Variants in PDZRN3 observed in about 807,000 individuals in gnomAD.
PDZRN3 encodes the protein E3 ubiquitin-protein ligase PDZRN3.
A neutral mutation model predicts 85.7 loss-of-function variants in PDZRN3; 38 were observed. That is an observed-to-expected ratio of 0.44 (90% confidence interval 0.34 to 0.58). The LOEUF (loss-of-function observed/expected upper bound fraction) is 0.58. Among genes scored for constraint, PDZRN3 ranks in the 20% least tolerant of loss-of-function variants. The pLI, the probability that PDZRN3 is intolerant of heterozygous loss-of-function variation, is 0.01. For synonymous variants in PDZRN3, 759 were observed against 638.0 expected, an observed-to-expected ratio of 1.19 and a Z score of -2.86; for missense variants, 1,629 against 1,506.4, an observed-to-expected ratio of 1.08 and a Z score of -1.35.
At chr3:73,420,580 G>A (rs1231824061) in intron 3 of PDZRN3, among the ~76,000 whole-genome samples, 2 of 152,144 alleles carry the variant, frequency 1.3e-5, no homozygotes, top group East Asian at 3.8e-4. Flanking sequence ...TCAAGAAAAT[G>A]ATGTAGCACC....
intron 3 of PDZRN3, among the ~76,000 whole-genome samples, chr3:73,569,763 G>A (rs1702017806): frequency 6.6e-6 from 1 of 152,208 alleles, no homozygotes; most frequent in Non-Finnish European, 1.5e-5. Flanking sequence ...AGGGCTGGCA[G>A]TGGTGAAGAG....
intron 1 of PDZRN3, among the ~76,000 whole-genome samples, chr3:73,622,934 G>A (rs1484667935): frequency 6.6e-6 from 1 of 152,252 alleles, no homozygotes; most frequent in African/African-American, 2.4e-5. Flanking sequence ...AGATGGGCAC[G>A]CAAAGGTTCA....
chr3:73,386,226 C>CTTTTCTTTTTTTT (rs1701381936), intron 8 of PDZRN3, among the ~76,000 whole-genome samples: 1 of 90,730 alleles, frequency 1.1e-5, no homozygotes, highest in African/African-American at 4.1e-5. Flanking sequence ...CAAGATATCA[C>CTTTTCTTTTTTTT]TTTTTTTTTT....
chr3:73,546,678 A>G (rs1422530522), intron 3 of PDZRN3, among the ~76,000 whole-genome samples: 1 of 152,226 alleles, frequency 6.6e-6, no homozygotes, highest in Non-Finnish European at 1.5e-5. Context: ...AATATTTCAA[A>G]AATTCTGCTG....
intron 3 of PDZRN3, among the ~76,000 whole-genome samples, chr3:73,593,709 TACACACAC>T (rs57922621): frequency 0.17 from 23,539 of 141,840 alleles, 2,222 homozygotes; most frequent in South Asian, 0.22. Context: ...GAAATAAATA[TACACACAC>T]ACACACACAC....
At chr3:73,414,436 T>C (rs767263515) in intron 3 of PDZRN3, among the ~76,000 whole-genome samples, 3 of 152,196 alleles carry the variant, frequency 2.0e-5, no homozygotes, top group Non-Finnish European at 2.9e-5. Flanking sequence ...TTTTGTTCTT[T>C]TTTTTTGTTT....
chr3:73,548,633 A>G (rs1258550403), intron 3 of PDZRN3, among the ~76,000 whole-genome samples: 1 of 152,240 alleles, frequency 6.6e-6, no homozygotes, highest in East Asian at 1.9e-4. Flanking sequence ...TTATTAAGCT[A>G]ATGAATTATG....
chr3:73,579,583 C>T (rs560587621), intron 3 of PDZRN3, among the ~76,000 whole-genome samples: 4 of 152,238 alleles, frequency 2.6e-5, no homozygotes, highest in South Asian at 2.1e-4. Flanking sequence ...ACATAGAGGT[C>T]GACAGGTATT....
At chr3:73,496,621 AGCAAT>A (rs1703872523) in intron 3 of PDZRN3, among the ~76,000 whole-genome samples, 1 of 152,150 alleles carries the variant, frequency 6.6e-6, no homozygotes, top group African/African-American at 2.4e-5. Flanking sequence ...TAACACAATT[AGCAAT>A]TCTTTAATTT....
At chr3:73,388,671 C>T (rs919926996) in intron 7 of PDZRN3, among the ~76,000 whole-genome samples, 12 of 151,892 alleles carry the variant, frequency 7.9e-5, no homozygotes, top group African/African-American at 1.2e-4. Flanking sequence ...GGTGGAACGC[C>T]GCCTCCAGGG....
intron 3 of PDZRN3, among the ~76,000 whole-genome samples, chr3:73,498,741 C>T (rs757073283): frequency 1.3e-5 from 2 of 152,066 alleles, no homozygotes; most frequent in African/African-American, 2.4e-5. Context: ...CACGCCACCG[C>T]GCCTGGCTAA....
chr3:73,387,895 C>T (rs981042836), intron 8 of PDZRN3, 73 bp downstream of exon 8: 5 of 697,272 alleles, frequency 7.2e-6, no homozygotes, highest in Non-Finnish European at 1.2e-5. Flanking sequence ...TACTCAGGTG[C>T]TCTTTTGCAG....
intron 3 of PDZRN3, among the ~76,000 whole-genome samples, chr3:73,514,753 C>T (rs538642874): frequency 1.7e-4 from 26 of 152,266 alleles, no homozygotes; most frequent in African/African-American, 6.3e-4. Context: ...TTCATCCTGG[C>T]AGAAATGAAC....
At chr3:73,569,622 T>C in intron 3 of PDZRN3, 1 of 956,858 alleles carries the variant, frequency 1.0e-6, no homozygotes, top group Non-Finnish European at 1.2e-6. Flanking sequence ...CAGCCCTGTG[T>C]CTGGGGTCTT....
chr3:73,484,941 A>G (rs1703636843), intron 3 of PDZRN3, among the ~76,000 whole-genome samples: 1 of 152,226 alleles, frequency 6.6e-6, no homozygotes, highest in South Asian at 2.1e-4. Context: ...CTTCTCCTAG[A>G]GGAAGTGAGA....
chr3:73,383,192 C>G lies in PDZRN3; in HGVS notation c.*173G>C. 3.6e-6 allele frequency: 2 copies of G among 563,152 alleles called. No individual in the cohort carries two copies. Among genetic ancestry groups the G allele is most frequent in the Middle Eastern group, 4.5e-4 (1 of 2,214 alleles). The allele number at this position is 563,152 out of a possible 1,614,324, so 34.9% of individuals were successfully genotyped here. On this transcript the variant is annotated 3_prime_UTR_variant, in exon 10 of 10. Transcript: ENST00000263666. ...CAAGATAGTAAGGGTGTTTTTCTCT[C>G]TCTTCCCTTAAAATAGACCTATGAC... is the stretch of plus-strand genomic sequence containing the variant.
chr3:73,490,940 AT>A (rs1411967367), intron 3 of PDZRN3, among the ~76,000 whole-genome samples: 1 of 152,198 alleles, frequency 6.6e-6, no homozygotes, highest in African/African-American at 2.4e-5. Flanking sequence ...CGGGGCTTCT[AT>A]TTCCTGCCCC....
At chr3:73,584,457 GTGT>G (rs1559748424) in intron 3 of PDZRN3, among the ~76,000 whole-genome samples, 1,871 of 52,792 alleles carry the variant, frequency 0.035, 29 homozygotes, top group Non-Finnish European at 0.046. Flanking sequence ...TTAATGGTGT[GTGT>G]GTGTGTGTGT....
At position 73,388,019 on chromosome 3, in the gene PDZRN3, G is replaced by A; in HGVS notation, c.1467C>T (p.Thr489=). Residue 489 remains threonine, a synonymous_variant, in exon 8 of 10, where the codon ACC becomes ACT. Coordinates refer to ENST00000263666, the MANE Select transcript of PDZRN3 (RefSeq NM_015009.3). ...ATGAAAAGTTTTTATTTTCTTCACTGGTTAGAAGAGCCACAGCCTCTTCAC... is the reference window on the plus strand; with the variant it reads ...ATGAAAAGTTTTTATTTTCTTCACTAGTTAGAAGAGCCACAGCCTCTTCAC... The part of the protein sequence containing the change: ...QNREEAVALL[T]SEENKNFSLL... 1 of 1,536,490 alleles carries A rather than the reference G, an allele frequency of 6.5e-7. No homozygotes were observed. The highest frequency in any genetic ancestry group is 8.8e-7 in the Non-Finnish European group (1 of 1,133,606).
Sources: gnomAD v4.1 joint callset for allele counts (sites outside exome capture counted in the v4.1 genomes callset) on GRCh38, gnomAD v4.1.1 for gene constraint, MANE v1.5 for transcripts, NCBI Gene and HGNC (gene_info 2026-07-23, HGNC 2026-07-21) for gene names.